The following IL6R variants were observed in gnomAD, a reference collection of about 807,000 sequenced individuals.
The protein encoded by IL6R is interleukin 6 receptor, also known as interleukin-6 receptor subunit alpha.
IL6R carries 38 observed loss-of-function variants against 48.3 expected under a neutral mutation model. The observed-to-expected ratio is 0.79, with a 90% CI of 0.61 to 1.03. IL6R has a LOEUF of 1.03. Among genes scored for constraint, IL6R ranks in the 50% least tolerant of loss-of-function variants. The probability of loss-of-function intolerance (pLI) is 0.00; values close to 1 mark genes in which losing one functional copy is unlikely to be tolerated. For missense variants in IL6R, 534 were observed against 618.3 expected (o/e 0.86, Z 1.45); for synonymous variants, 264 against 256.2 (o/e 1.03, Z -0.29).
intron 1 of IL6R, among the ~76,000 whole-genome samples, chr1:154,407,650 G>T (rs1039948804): frequency 1.3e-5 from 2 of 152,228 alleles, no homozygotes; most frequent in Non-Finnish European, 2.9e-5. Flanking sequence ...GAGGAGCAGA[G>T]GGGGAGCAGA....
chr1:154,420,604 C>T (rs1056229504), intron 1 of IL6R, among the ~76,000 whole-genome samples: 6 of 146,426 alleles, frequency 4.1e-5, no homozygotes, highest in Non-Finnish European at 8.8e-5. Context: ...CTGCAGCCTT[C>T]GACTCACTGC....
intron 6 of IL6R, among the ~76,000 whole-genome samples, chr1:154,444,083 C>T (rs1034732706): frequency 4.5e-4 from 69 of 152,218 alleles, no homozygotes; most frequent in African/African-American, 1.6e-3. Flanking sequence ...CGACCCTCCT[C>T]CCTCATCCTC....
chr1:154,435,338 C>G (rs1018602385), intron 5 of IL6R, among the ~76,000 whole-genome samples, 182 bp downstream of exon 5: 2 of 151,900 alleles, frequency 1.3e-5, no homozygotes, highest in African/African-American at 4.8e-5. Flanking sequence ...GGTGAAATAC[C>G]GTCTCTACTA....
rs531520659 is a variant in IL6R at position 154,417,616 on chromosome 1, G to C, written c.86-11580G>C. Among the ~76,000 whole-genome samples, 3 of 152,116 alleles carry C rather than the reference G, an allele frequency of 2.0e-5. No homozygotes were observed. The East Asian group carries it at 5.8e-4, about 29-fold the overall frequency. The stretch of plus-strand genomic sequence containing the variant: ...TTTTTTTGAGACAGGGTTGCCCAGG[G>C]TGGAGTGCAGTGGTGCGATCTCGGC... On this transcript the variant is annotated intron_variant, in intron 1 of 9. Transcript: ENST00000368485.
At chr1:154,411,724 CGGAT>C (rs921333209) in intron 1 of IL6R, among the ~76,000 whole-genome samples, 4 of 151,922 alleles carry the variant, frequency 2.6e-5, no homozygotes, top group African/African-American at 9.7e-5. Flanking sequence ...TTTTTGAGGC[CGGAT>C]GTGGTGTATC....
chr1:154,410,021 C>T (rs1024873519), intron 1 of IL6R, among the ~76,000 whole-genome samples: 1 of 152,164 alleles, frequency 6.6e-6, no homozygotes, highest in African/African-American at 2.4e-5. Flanking sequence ...CTTGCCTCCT[C>T]TTTAACAATG....
intron 3 of IL6R, 84 bp downstream of exon 3, chr1:154,430,690 A>T: frequency 6.5e-7 from 1 of 1,543,166 alleles, no homozygotes; most frequent in South Asian, 1.1e-5. Flanking sequence ...AGGTGATTTC[A>T]AAACATTATC....
Position 154,465,992 on chromosome 1 carries a change from A to G in IL6R, c.*612A>G, listed in dbSNP as rs550250571. 1.3e-5 allele frequency: 2 copies of G among 154,774 alleles called. No individual in the cohort carries two copies. The highest frequency in any genetic ancestry group is 4.8e-5 in the African/African-American group (2 of 41,590). 9.6% of individuals were successfully genotyped at this position (154,774 alleles called of 1,614,324 possible). A position where few individuals can be genotyped will look rare whatever the true frequency, so the allele number is the denominator to read the frequency against. ...ACAGCTGAGGGTGAGTGGGTGAATAATACAGTATCTCAGGGCCTGGTCGTT... is the reference window on the plus strand; with the variant it reads ...ACAGCTGAGGGTGAGTGGGTGAATAGTACAGTATCTCAGGGCCTGGTCGTT... On this transcript the variant is annotated 3_prime_UTR_variant, in exon 10 of 10. Transcript: ENST00000368485.
intron 6 of IL6R, among the ~76,000 whole-genome samples, chr1:154,441,562 G>T (rs530316522): frequency 2.0e-5 from 3 of 152,170 alleles, no homozygotes; most frequent in Admixed American, 6.5e-5. Flanking sequence ...TGATTTTGAC[G>T]CAAGAGGGGG....
At chr1:154,444,623 C>T (rs1413136030) in intron 6 of IL6R, among the ~76,000 whole-genome samples, 3 of 152,104 alleles carry the variant, frequency 2.0e-5, no homozygotes, top group Non-Finnish European at 4.4e-5. Flanking sequence ...CTTGGTCAGG[C>T]GTGGTGGCTC....
intron 1 of IL6R, among the ~76,000 whole-genome samples, chr1:154,421,198 C>T (rs74115741): frequency 0.026 from 3,897 of 152,194 alleles, 177 homozygotes; most frequent in African/African-American, 0.09. Context: ...AGGGGACAGT[C>T]GGTTTTTTCT....
chr1:154,446,028 G>A (rs994348115), intron 6 of IL6R, among the ~76,000 whole-genome samples: 1 of 152,004 alleles, frequency 6.6e-6, no homozygotes, highest in African/African-American at 2.4e-5. Context: ...GTCTCCCAAA[G>A]TGCTGGGATT....
At chr1:154,444,289 A>G (rs754349619) in intron 6 of IL6R, among the ~76,000 whole-genome samples, 2 of 150,944 alleles carry the variant, frequency 1.3e-5, no homozygotes, top group Non-Finnish European at 2.9e-5. Flanking sequence ...GCTCACCGCA[A>G]CCTCCACCTC....
At chr1:154,425,782 G>T (rs916057455) in intron 1 of IL6R, among the ~76,000 whole-genome samples, 1 of 106,448 alleles carries the variant, frequency 9.4e-6, no homozygotes, top group Non-Finnish European at 2.0e-5. Context: ...CCAAGAAAAA[G>T]AAAAAAAAAA....
At chr1:154,462,589 G>C (rs959491402) in intron 9 of IL6R, among the ~76,000 whole-genome samples, 1 of 151,918 alleles carries the variant, frequency 6.6e-6, no homozygotes, top group African/African-American at 2.4e-5. Flanking sequence ...TGGTCAGGCT[G>C]GTCTCGAACT....
chr1:154,460,089 G>T (rs957005286), intron 9 of IL6R, among the ~76,000 whole-genome samples: 8 of 152,204 alleles, frequency 5.3e-5, no homozygotes, highest in Non-Finnish European at 8.8e-5. Context: ...CTAAAAAAGA[G>T]TGAGAGTTTT....
intron 6 of IL6R, among the ~76,000 whole-genome samples, chr1:154,444,091 C>T (rs534351667): frequency 6.6e-6 from 1 of 152,338 alleles, no homozygotes; most frequent in African/African-American, 2.4e-5. Context: ...CTCCCTCATC[C>T]TCGCATTGCC....
At chr1:154,449,614 C>T (rs1690473101) in intron 7 of IL6R, among the ~76,000 whole-genome samples, 1 of 152,210 alleles carries the variant, frequency 6.6e-6, no homozygotes, top group African/African-American at 2.4e-5. Context: ...ATCCTTGCAT[C>T]GGACCTGTAA....
At position 154,435,069 on chromosome 1, in the gene IL6R, C is replaced by G; in HGVS notation, c.720C>G (p.Asp240Glu). ...NPRWLSVTWQ[D>E]PHSWNSSFYR... The stretch of plus-strand genomic sequence containing the variant: ...GCTGGCTCAGTGTCACCTGGCAAGA[C>G]CCCCACTCCTGGAACTCATCTTTCT... The change falls in exon 5 of 10, where the codon GAC becomes GAG. Residue 240 changes from aspartate to glutamate, a missense_variant. Physicochemically the swap from Asp to Glu is conservative, Grantham distance 45 (BLOSUM62 2). Coordinates refer to ENST00000368485, the MANE Select transcript of IL6R (RefSeq NM_000565.4). 1 of 1,614,078 alleles carries G rather than the reference C, an allele frequency of 6.2e-7. No individual in the cohort carries two copies.
Sources: allele counts gnomAD v4.1 joint callset (sites outside exome capture counted in the v4.1 genomes callset), GRCh38; gene constraint gnomAD v4.1.1; transcripts MANE v1.5; gene names NCBI Gene and HGNC (gene_info 2026-07-23, HGNC 2026-07-21).